Variants in KIF18A observed in about 807,000 individuals in gnomAD.
The protein encoded by KIF18A is kinesin-like protein KIF18A.
In KIF18A, 67 loss-of-function variants were observed where a neutral mutation model predicts 103.3. That is an observed-to-expected ratio of 0.65 (90% CI 0.53 to 0.79). KIF18A has a LOEUF of 0.79. KIF18A is among the 30% of genes least tolerant of loss of function. The probability of loss-of-function intolerance (pLI) is 0.00; values close to 1 mark genes in which losing one functional copy is unlikely to be tolerated. For missense variants in KIF18A, 1,032 were observed against 1,062.5 expected (o/e 0.97, Z 0.40); for synonymous variants, 367 against 355.5 (o/e 1.03, Z -0.36).
At chr11:28,068,094 A>G (rs1035424721) in intron 11 of KIF18A, among the ~76,000 whole-genome samples, 10 of 152,192 alleles carry the variant, frequency 6.6e-5, no homozygotes, top group South Asian at 4.1e-4. Flanking sequence ...TGCAGCCATA[A>G]AAAAGAATGA....
chr11:28,041,015 T>C (rs748274127), intron 13 of KIF18A, among the ~76,000 whole-genome samples: 6 of 151,804 alleles, frequency 4.0e-5, no homozygotes, highest in Non-Finnish European at 5.9e-5. Flanking sequence ...ATATGTTTTA[T>C]TTATGAAAAA....
intron 1 of KIF18A, among the ~76,000 whole-genome samples, chr11:28,100,767 G>A (rs1275578613): frequency 6.6e-6 from 1 of 152,016 alleles, no homozygotes; most frequent in East Asian, 1.9e-4. Context: ...GCCAAAAATA[G>A]AATACTGAAA....
chr11:28,059,307 T>C (rs1358572307), intron 12 of KIF18A, 146 bp from the exon 13 acceptor site: 3 of 676,138 alleles, frequency 4.4e-6, no homozygotes, highest in Non-Finnish European at 7.4e-6. Context: ...CAGATTGTCT[T>C]CACTTGCTTC....
intron 5 of KIF18A, among the ~76,000 whole-genome samples, chr11:28,089,145 A>G (rs1362915055): frequency 6.6e-6 from 1 of 152,184 alleles, no homozygotes; most frequent in Non-Finnish European, 1.5e-5. Context: ...TCGAATCTTG[A>G]TCCAAACTGA....
chr11:28,059,971 A>G (rs1159476514), intron 12 of KIF18A, among the ~76,000 whole-genome samples: 1 of 152,166 alleles, frequency 6.6e-6, no homozygotes, highest in Non-Finnish European at 1.5e-5. Flanking sequence ...GGCTTTTGGA[A>G]TGGCACTTAA....
rs768417530 is a variant in KIF18A at position 28,102,948 on chromosome 11, T to C, written c.-46-4955A>G. The stretch of plus-strand genomic sequence containing the variant: ...GTAAATTCTTCAACCATGTTTAATA[T>C]GAAGCAGCAAAAGAAAAGCCTAAAT... On this transcript the variant is annotated intron_variant, in intron 1 of 16. Coordinates refer to ENST00000263181, the MANE Select transcript of KIF18A (RefSeq NM_031217.4). 3.3e-5 allele frequency among the ~76,000 whole-genome samples: 5 copies of C among 152,294 alleles called. No homozygotes were observed. In the South Asian group the frequency reaches 8.3e-4, roughly 25 times the overall value.
rs34177202 is a variant in KIF18A, at chr11:28,058,489, G to GAAA, written c.1948+434_1948+436dup. ...TAACAGTGATACTTTGTTTCTACAG[G>GAAA]AAAAAAAAAAAAAAAAAAAAAAAAA... On this transcript the variant is annotated intron_variant, in intron 13 of 16. Coordinates refer to ENST00000263181, the MANE Select transcript of KIF18A (RefSeq NM_031217.4). Among the ~76,000 whole-genome samples the GAAA allele has an allele frequency of 1.6e-3, 87 of 54,228 alleles. 3 individuals carry two copies. The highest frequency in any genetic ancestry group is 7.3e-3 in the East Asian group (8 of 1,092). 35.6% of individuals were successfully genotyped at this position (54,228 alleles called of 152,430 possible).
At position 28,094,604 on chromosome 11, in the gene KIF18A, T is replaced by G. The variant is rs951281042; in HGVS notation, c.483+39A>C. ...TCATTTGTATGAATCATGTCAATGA[T>G]TTCCCAAAACTATTGATTAATCTAA... On this transcript the variant is annotated intron_variant, in intron 3 of 16. Coordinates refer to ENST00000263181, the MANE Select transcript of KIF18A (RefSeq NM_031217.4). 5 of 1,444,770 alleles carry G rather than the reference T, an allele frequency of 3.5e-6. No individual in the cohort carries two copies. In the Admixed American group the frequency reaches 9.1e-5, roughly 26 times the overall value. 89.5% of individuals were successfully genotyped at this position (1,444,770 alleles called of 1,614,324 possible).
At chr11:28,085,456 G>A (rs1302576603) in intron 6 of KIF18A, among the ~76,000 whole-genome samples, 1 of 152,162 alleles carries the variant, frequency 6.6e-6, no homozygotes, top group East Asian at 1.9e-4. Flanking sequence ...GAAGTTCACA[G>A]TAGACAGCAA....
In KIF18A at chr11:28,046,846, G is replaced by A. The variant is rs56240849; in HGVS notation, c.1949-10182C>T. ...ATAGGTGGATCACCGGAGGTCAGGAGTTTAAGACCAGCCTGGTAAATGTGG... is the reference window on the plus strand; with the variant it reads ...ATAGGTGGATCACCGGAGGTCAGGAATTTAAGACCAGCCTGGTAAATGTGG... On this transcript the variant is annotated intron_variant, in intron 13 of 16. Transcript: ENST00000263181. 5.1e-3 allele frequency among the ~76,000 whole-genome samples: 763 copies of A among 150,834 alleles called. 9 individuals are homozygous for A. The highest frequency in any genetic ancestry group is 0.018 in the African/African-American group (722 of 41,174).
At chr11:28,039,671 T>G (rs1390896045) in intron 13 of KIF18A, among the ~76,000 whole-genome samples, 1 of 151,690 alleles carries the variant, frequency 6.6e-6, no homozygotes, top group Non-Finnish European at 1.5e-5. Context: ...CGACATCAAA[T>G]TTAGTATGAT....
intron 11 of KIF18A, among the ~76,000 whole-genome samples, chr11:28,068,808 A>G: frequency 6.6e-6 from 1 of 152,180 alleles, no homozygotes; most frequent in East Asian, 1.9e-4. Flanking sequence ...CTAAAGTTAG[A>G]CTACTGCAAC....
intron 1 of KIF18A, among the ~76,000 whole-genome samples, chr11:28,105,712 T>A (rs1851495574): frequency 6.6e-6 from 1 of 152,184 alleles, no homozygotes; most frequent in South Asian, 2.1e-4. Context: ...TAAAACTGAT[T>A]ATGATTTCTC....
rs374462377 is a variant in KIF18A, at chr11:28,069,303, C to T, written c.1546G>A (p.Glu516Lys). The change falls in exon 11 of 17, where the codon GAA becomes AAA. Residue 516 changes from glutamate (E) to lysine (K), a missense_variant. Transcript: ENST00000263181. ...DENTNWLHRV[E>K]KEMGLLSQNG... ...TGACTTAAGAGTCCCATTTCTTTTT[C>T]GACACGATGGAGCCAATTAGTATTC... 1.4e-4 allele frequency: 229 copies of T among 1,613,296 alleles called. No individual in the cohort carries two copies. The highest frequency in any genetic ancestry group is 5.5e-4 in the African/African-American group (41 of 74,944).
intron 11 of KIF18A, among the ~76,000 whole-genome samples, chr11:28,063,992 T>C (rs1466677139): frequency 6.6e-6 from 1 of 151,670 alleles, no homozygotes; most frequent in Non-Finnish European, 1.5e-5. Flanking sequence ...AGAAAGTACT[T>C]CCAATGCCAG....
At chr11:28,024,876 G>C (rs1007662104) in intron 15 of KIF18A, among the ~76,000 whole-genome samples, 13 of 151,792 alleles carry the variant, frequency 8.6e-5, no homozygotes, top group Non-Finnish European at 1.5e-4. Context: ...TCGACGGGGG[G>C]GATATCTTCT....
rs1850235573 is a variant in KIF18A, at chr11:28,021,136, AG to A, written c.*63del. ...CAAAGATTTTAAATATATTTTTGAA[AG>A]GGTATTGATAAACTTTGAAAAGCAG... On this transcript the variant is annotated 3_prime_UTR_variant, in exon 17 of 17. Transcript: ENST00000263181. The A allele has an allele frequency of 9.0e-6, 12 of 1,337,628 alleles. No individual in the cohort carries two copies. The East Asian group carries it at 3.7e-4, about 42-fold the overall frequency. The allele number at this position is 1,337,628 out of a possible 1,614,324, so 82.9% of individuals were successfully genotyped here. A position where few individuals can be genotyped will look rare whatever the true frequency, so the allele number is the denominator to read the frequency against.
chr11:28,035,506 T>C lies in KIF18A; in HGVS notation c.2397-12A>G, dbSNP rs1219403594. The C allele has an allele frequency of 1.4e-6, 2 of 1,417,464 alleles. No individual in the cohort carries two copies. Among genetic ancestry groups the C allele is most frequent in the African/African-American group, 1.5e-5 (1 of 68,870 alleles). 87.8% of individuals were successfully genotyped at this position (1,417,464 alleles called of 1,614,324 possible). On this transcript the variant is annotated splice_polypyrimidine_tract_variant and intron_variant, in intron 14 of 16. Coordinates refer to ENST00000263181, the MANE Select transcript of KIF18A (RefSeq NM_031217.4). ...AAGAAGGATCAAGCCTGTATATTAA[T>C]AGTGACAAATAAAAAATAATAATTT...
At chr11:28,103,162 C>T (rs570344183) in intron 1 of KIF18A, among the ~76,000 whole-genome samples, 6 of 152,096 alleles carry the variant, frequency 3.9e-5, no homozygotes, top group South Asian at 2.1e-4. Context: ...ATACTTCCAA[C>T]GTGATTATTC....
Sources: allele counts gnomAD v4.1 joint callset (sites outside exome capture counted in the v4.1 genomes callset), GRCh38; gene constraint gnomAD v4.1.1; transcripts MANE v1.5; gene names NCBI Gene and HGNC (gene_info 2026-07-23, HGNC 2026-07-21).